AHCTF1: variants seen among roughly 807,000 people sequenced by gnomAD.
The protein encoded by AHCTF1 is AT-hook containing transcription factor 1, also known as protein ELYS.
A neutral mutation model predicts 248.4 loss-of-function variants in AHCTF1; 24 were observed. The observed-to-expected ratio is 0.10, with a 90% CI of 0.07 to 0.14. The LOEUF (loss-of-function observed/expected upper bound fraction) is 0.14, where lower values mean the gene tolerates loss of function less well. Among genes scored for constraint, AHCTF1 ranks in the 10% least tolerant of loss-of-function variants. The probability of loss-of-function intolerance (pLI) is 1.00; values close to 1 mark genes in which losing one functional copy is unlikely to be tolerated. For missense variants in AHCTF1, 2,206 were observed against 2,636.2 expected (o/e 0.84, Z 3.57); for synonymous variants, 786 against 929.8 (o/e 0.85, Z 2.81).
chr1:246,916,454 G>T, intron 2 of AHCTF1, 59 bp from the exon 3 acceptor site: 2 of 1,450,046 alleles, frequency 1.4e-6, no homozygotes, highest in Non-Finnish European at 1.9e-6. Flanking sequence ...ATGCAATAAC[G>T]GTTAGCTCAT....
intron 14 of AHCTF1, among the ~76,000 whole-genome samples, chr1:246,893,395 A>C (rs1000214730): frequency 6.6e-6 from 1 of 152,256 alleles, no homozygotes; most frequent in South Asian, 2.1e-4. Flanking sequence ...AAAGCTATCT[A>C]TAGTCAAATC....
chr1:246,892,660 C>A (rs944002801), intron 14 of AHCTF1, among the ~76,000 whole-genome samples: 18 of 152,132 alleles, frequency 1.2e-4, no homozygotes, highest in Non-Finnish European at 2.6e-4. Context: ...GAGATAGGGT[C>A]TCACTCTGTC....
chr1:246,857,986 G>A (rs867505981), intron 29 of AHCTF1, among the ~76,000 whole-genome samples, 172 bp from the exon 30 acceptor site: 7 of 137,030 alleles, frequency 5.1e-5, no homozygotes, highest in African/African-American at 8.2e-5. Flanking sequence ...TTGAGATGGA[G>A]TCTTGCTGTG....
chr1:246,907,531 G>T lies in AHCTF1; in HGVS notation c.764+20C>A. On this transcript the variant is annotated intron_variant, in intron 5 of 35. Transcript: ENST00000648844. Reference sequence around the variant, plus strand: ...AAAAAAACTACCTATAATCAAATAAGGGAAAAAAGTTATACTTACTCTCTT... The same window carrying T: ...AAAAAAACTACCTATAATCAAATAATGGAAAAAAGTTATACTTACTCTCTT... 6.2e-7 allele frequency: 1 copy of T among 1,602,582 alleles called. No homozygotes were observed. The highest frequency in any genetic ancestry group is 2.2e-5 in the East Asian group (1 of 44,720).
At chr1:246,916,654 AAAT>A (rs752933675) in intron 2 of AHCTF1, among the ~76,000 whole-genome samples, 5 of 152,044 alleles carry the variant, frequency 3.3e-5, no homozygotes, top group Admixed American at 6.6e-5. Context: ...ACTTCATCTC[AAAT>A]AATAATAATA....
chr1:246,924,760 AT>A (rs1666816382), intron 1 of AHCTF1, among the ~76,000 whole-genome samples: 1 of 152,238 alleles, frequency 6.6e-6, no homozygotes, highest in Non-Finnish European at 1.5e-5. Context: ...ATATGTCACC[AT>A]TAAGTCACAA....
chr1:246,911,520 G>A (rs1438648787), intron 4 of AHCTF1, among the ~76,000 whole-genome samples: 2 of 82,920 alleles, frequency 2.4e-5, no homozygotes, highest in Non-Finnish European at 4.4e-5. Context: ...TTTCACTCTT[G>A]TTGCCCAGGC....
intron 29 of AHCTF1, among the ~76,000 whole-genome samples, chr1:246,859,373 T>C (rs765523282): frequency 9.2e-5 from 14 of 152,180 alleles, no homozygotes; most frequent in Non-Finnish European, 1.9e-4. Context: ...CATTTACTAG[T>C]GTTCCCCTGG....
At chr1:246,843,744 A>G in intron 34 of AHCTF1, 51 bp downstream of exon 34, 1 of 1,213,008 alleles carries the variant, frequency 8.2e-7, no homozygotes, top group African/African-American at 1.6e-5. Context: ...CATTTGTAAA[A>G]AAAAAAAGTA....
rs776053931 is a variant in AHCTF1 at position 246,850,821 on chromosome 1, T to C, written c.5185A>G (p.Ser1729Gly). ...GAGGAAACCACGTCATCAACCTGGC[T>C]GACATTCATAGTCATTGTGCTTGTT... ...QETSTMTMNV[S>G]QVDDVVSSKT... Residue 1729 changes from serine to glycine, a missense_variant, in exon 33 of 36, where the codon AGC (serine) becomes GGC (glycine). By Grantham distance (56) the Ser-to-Gly change is moderately conservative. Coordinates refer to ENST00000648844, the MANE Select transcript of AHCTF1 (RefSeq NM_001323342.2). 6.2e-7 allele frequency: 1 copy of C among 1,613,888 alleles called. No individual in the cohort carries two copies. The highest frequency in any genetic ancestry group is 1.1e-5 in the South Asian group (1 of 91,076).
chr1:246,880,567 CAA>C (rs370055569), intron 21 of AHCTF1, among the ~76,000 whole-genome samples: 21 of 54,490 alleles, frequency 3.9e-4, no homozygotes, highest in Admixed American at 3.9e-4. Flanking sequence ...GACTCCAGCT[CAA>C]AAAAAAAAAA....
Position 246,840,027 on chromosome 1 carries a change from AATATTAGGCAC to A in AHCTF1, c.*768_*778del, listed in dbSNP as rs1659743796. ...ATTTGTTCAGACATCTCATCCTATCAATATTAGGCACATACAAGATGCACTCAATATCCATA... is the reference window on the plus strand; with the variant it reads ...ATTTGTTCAGACATCTCATCCTATCAATACAAGATGCACTCAATATCCATA... On this transcript the variant is annotated 3_prime_UTR_variant, in exon 36 of 36. Transcript: ENST00000648844. 6.6e-6 allele frequency: 1 copy of A among 152,544 alleles called. No homozygotes were observed. Among genetic ancestry groups the A allele is most frequent in the Non-Finnish European group, 1.5e-5 (1 of 68,036 alleles). The allele number at this position is 152,544 out of a possible 1,614,324, so 9.4% of individuals were successfully genotyped here.
intron 13 of AHCTF1, among the ~76,000 whole-genome samples, chr1:246,895,426 T>C (rs1265131283): frequency 1.3e-5 from 2 of 152,212 alleles, no homozygotes; most frequent in Non-Finnish European, 2.9e-5. Flanking sequence ...TGTGTGTATG[T>C]GTGTGAAGAG....
At chr1:246,852,470 T>C (rs1660781786) in intron 32 of AHCTF1, among the ~76,000 whole-genome samples, 3 of 152,098 alleles carry the variant, frequency 2.0e-5, no homozygotes, top group South Asian at 2.1e-4. Flanking sequence ...TAATAAAAGA[T>C]TTGGTATAAT....
intron 30 of AHCTF1, 65 bp from the exon 31 acceptor site, chr1:246,855,892 T>A: frequency 8.6e-7 from 1 of 1,162,970 alleles, no homozygotes; most frequent in Non-Finnish European, 1.3e-6. Context: ...CCTGCTTTAG[T>A]CCTACCACCT....
intron 29 of AHCTF1, among the ~76,000 whole-genome samples, 194 bp downstream of exon 29, chr1:246,860,704 CT>C (rs988275794): frequency 6.6e-6 from 1 of 152,128 alleles, no homozygotes; most frequent in Non-Finnish European, 1.5e-5. Flanking sequence ...CAGGGCCTCG[CT>C]ATGTTGACCA....
chr1:246,915,671 G>A (rs1666094683), intron 3 of AHCTF1, among the ~76,000 whole-genome samples: 1 of 152,156 alleles, frequency 6.6e-6, no homozygotes, highest in Non-Finnish European at 1.5e-5. Flanking sequence ...CACAGACCAA[G>A]TTCAATTTAT....
At chr1:246,868,777 A>G (rs1049377467) in intron 24 of AHCTF1, among the ~76,000 whole-genome samples, 12 of 151,866 alleles carry the variant, frequency 7.9e-5, no homozygotes, top group Admixed American at 4.6e-4. Context: ...ATAAAAAAGT[A>G]CCACGTGATG....
intron 1 of AHCTF1, among the ~76,000 whole-genome samples, chr1:246,928,762 T>C (rs1247723295): frequency 2.6e-5 from 4 of 152,220 alleles, no homozygotes; most frequent in African/African-American, 4.8e-5. Context: ...AAGCAAACAT[T>C]TCTATAAACC....
Sources: allele counts gnomAD v4.1 joint callset (sites outside exome capture counted in the v4.1 genomes callset), GRCh38; gene constraint gnomAD v4.1.1; transcripts MANE v1.5; gene names NCBI Gene and HGNC (gene_info 2026-07-23, HGNC 2026-07-21).